The following MAD1L1 variants were observed in gnomAD, a reference collection of about 807,000 sequenced individuals.
The protein encoded by MAD1L1 is mitotic spindle assembly checkpoint protein MAD1.
A neutral mutation model predicts 96.9 loss-of-function variants in MAD1L1; 95 were observed. The observed-to-expected ratio is 0.98, with a 90% CI of 0.83 to 1.16. The LOEUF is 1.16. Among genes scored for constraint, MAD1L1 ranks in the 50% most tolerant of loss-of-function variants. MAD1L1 has a pLI of 0.00. For synonymous variants in MAD1L1, 473 were observed against 396.6 expected, an observed-to-expected ratio of 1.19 and a Z score of -2.29; for missense variants, 1,007 against 954.4, an observed-to-expected ratio of 1.06 and a Z score of -0.73.
At chr7:2,086,858 T>C (rs765922387) in intron 11 of MAD1L1, among the ~76,000 whole-genome samples, 8 of 152,328 alleles carry the variant, frequency 5.3e-5, no homozygotes, top group South Asian at 2.1e-4. Flanking sequence ...CCCAGCACAA[T>C]TGCTGTTATC....
chr7:2,169,448 T>C (rs1790600383), intron 10 of MAD1L1, among the ~76,000 whole-genome samples: 1 of 152,172 alleles, frequency 6.6e-6, no homozygotes, highest in Non-Finnish European at 1.5e-5. Flanking sequence ...GGAACATAAA[T>C]TGTTCTTTAC....
At chr7:2,038,763 C>T (rs1193062123) in intron 12 of MAD1L1, among the ~76,000 whole-genome samples, 1 of 152,016 alleles carries the variant, frequency 6.6e-6, no homozygotes, top group Non-Finnish European at 1.5e-5. Context: ...GTGATCCGCC[C>T]ACCTCGACCT....
At position 1,837,690 on chromosome 7, in the gene MAD1L1, A is replaced by G. The variant is rs564347951; in HGVS notation, c.1999-21462T>C. Reference sequence around the variant, plus strand: ...AGCAGCCAGATGAGAAAGGCTAGATACTGCGTGATGCCACTTACAGAAACT... The same window carrying G: ...AGCAGCCAGATGAGAAAGGCTAGATGCTGCGTGATGCCACTTACAGAAACT... On this transcript the variant is annotated intron_variant, in intron 18 of 18. Coordinates refer to ENST00000265854, the MANE Select transcript of MAD1L1 (RefSeq NM_001013836.2). 2.6e-5 allele frequency among the ~76,000 whole-genome samples: 4 copies of G among 152,374 alleles called. No homozygotes were observed. In the East Asian group the frequency reaches 5.8e-4, roughly 22 times the overall value.
chr7:1,818,724 C>T (rs1369274232), intron 18 of MAD1L1, among the ~76,000 whole-genome samples: 1 of 152,048 alleles, frequency 6.6e-6, no homozygotes, highest in East Asian at 1.9e-4. Flanking sequence ...CAGGTGCACC[C>T]CGCCAGCGTC....
intron 10 of MAD1L1, among the ~76,000 whole-genome samples, chr7:2,211,174 G>C (rs931776849): frequency 5.3e-5 from 8 of 152,274 alleles, no homozygotes; most frequent in Non-Finnish European, 1.0e-4. Context: ...ACCTCCACCA[G>C]CCCTACAGAC....
At chr7:1,867,937 C>T (rs903482514) in intron 18 of MAD1L1, among the ~76,000 whole-genome samples, 2 of 152,240 alleles carry the variant, frequency 1.3e-5, no homozygotes, top group Non-Finnish European at 2.9e-5. Context: ...TCGCTTCTCC[C>T]GTCTTCCCTA....
chr7:1,915,542 A>G (rs1788329695), intron 17 of MAD1L1, among the ~76,000 whole-genome samples: 1 of 152,224 alleles, frequency 6.6e-6, no homozygotes, highest in South Asian at 2.1e-4. Context: ...GGCGGGCTGG[A>G]GGACGCACGC....
intron 11 of MAD1L1, among the ~76,000 whole-genome samples, chr7:2,108,552 G>C (rs943535652): frequency 6.6e-6 from 1 of 152,134 alleles, no homozygotes; most frequent in South Asian, 2.1e-4. Flanking sequence ...ATTTTCAAAT[G>C]AACATCTGTG....
chr7:2,104,431 A>G (rs1214092365), intron 11 of MAD1L1, among the ~76,000 whole-genome samples: 2 of 152,270 alleles, frequency 1.3e-5, no homozygotes, highest in Non-Finnish European at 2.9e-5. Flanking sequence ...CTGTTGCGTC[A>G]GATCCCTGAC....
At chr7:2,167,121 G>C (rs541481065) in intron 10 of MAD1L1, among the ~76,000 whole-genome samples, 2 of 152,316 alleles carry the variant, frequency 1.3e-5, no homozygotes, top group South Asian at 4.1e-4. Flanking sequence ...GAAACAGTAA[G>C]ACCAGGGCAG....
In MAD1L1 at chr7:1,911,571, G is replaced by A. The variant is rs982639162; in HGVS notation, c.1808-13181C>T. Among the ~76,000 whole-genome samples, 3 of 152,358 alleles carry A rather than the reference G, an allele frequency of 2.0e-5. No individual in the cohort carries two copies. In the South Asian group the frequency reaches 6.2e-4, roughly 32 times the overall value. On this transcript the variant is annotated intron_variant, in intron 17 of 18. Transcript: ENST00000265854. ...CTGCCACAATGTGGCGGGCACATTT[G>A]CCTTCTGCCAGGGGACGATGTTCAC...
intron 15 of MAD1L1, among the ~76,000 whole-genome samples, chr7:1,977,522 A>T (rs1308037282): frequency 6.6e-6 from 1 of 152,230 alleles, no homozygotes; most frequent in Non-Finnish European, 1.5e-5. Context: ...CCGCAAGCAG[A>T]GGGAGCCGGC....
chr7:1,928,488 A>T (rs1361168946), intron 17 of MAD1L1, among the ~76,000 whole-genome samples: 1 of 152,194 alleles, frequency 6.6e-6, no homozygotes, highest in East Asian at 1.9e-4. Flanking sequence ...CACACCTGAG[A>T]CTGTTCCCCA....
At chr7:1,851,543 C>T (rs146658170) in intron 18 of MAD1L1, among the ~76,000 whole-genome samples, 388 of 152,246 alleles carry the variant, frequency 2.5e-3, no homozygotes, top group Admixed American at 4.6e-3. Context: ...CGGGACAGCA[C>T]GGCTAGTCTG....
intron 17 of MAD1L1, among the ~76,000 whole-genome samples, chr7:1,929,143 C>G (rs115150840): frequency 6.6e-6 from 1 of 152,042 alleles, no homozygotes; most frequent in Non-Finnish European, 1.5e-5. Flanking sequence ...CAACCATCTT[C>G]CCCTCCCTCC....
Position 1,966,564 on chromosome 7 carries a change from AAAAAAAAAAAAAC to A in MAD1L1, c.1506-8858_1506-8846del, listed in dbSNP as rs902050400. Among the ~76,000 whole-genome samples the A allele has an allele frequency of 1.6e-4, 18 of 111,282 alleles. No homozygotes were observed. In the South Asian group the frequency reaches 3.7e-3, roughly 23 times the overall value. 73.0% of individuals were successfully genotyped at this position (111,282 alleles called of 152,430 possible). ...GCTGAAATATCCCAAACTTGGCAAA[AAAAAAAAAAAAAC>A]AAAAAAAATCCCTAGAGATTCAAGA... On this transcript the variant is annotated intron_variant, in intron 15 of 18. Transcript: ENST00000265854.
Position 2,132,650 on chromosome 7 carries a change from G to A in MAD1L1, c.1073+16502C>T, listed in dbSNP as rs188934696. 3.3e-3 allele frequency among the ~76,000 whole-genome samples: 502 copies of A among 152,332 alleles called. 3 individuals are homozygous for A. Among genetic ancestry groups the A allele is most frequent in the African/African-American group, 0.011 (472 of 41,568 alleles). Reference sequence around the variant, plus strand: ...CGGAGGAGAAATCCCACAGTACACCGCCTTTGCAGACTGTCCTCTTTCACT... The same window carrying A: ...CGGAGGAGAAATCCCACAGTACACCACCTTTGCAGACTGTCCTCTTTCACT... On this transcript the variant is annotated intron_variant, in intron 11 of 18. Transcript: ENST00000265854.
In MAD1L1 at chr7:2,216,177, C is replaced by T. The variant is rs758157348; in HGVS notation, c.789G>A (p.Arg263=). 2.4e-5 allele frequency: 38 copies of T among 1,613,476 alleles called. No homozygotes were observed. The South Asian group carries it at 4.0e-4, about 17-fold the overall frequency. ...CTCACCGCAGGTGCGCGCTCTCCTC[C>T]CGCAGCTGCTTCAGCTCCCGTTCCA... ...PRLERELKQL[R]EESAHLREMR... is the part of the protein sequence containing the mutation. Residue 263 remains arginine, a synonymous_variant, in exon 8 of 19, where the codon CGG becomes CGA. Coordinates refer to ENST00000265854, the MANE Select transcript of MAD1L1 (RefSeq NM_001013836.2).
intron 18 of MAD1L1, among the ~76,000 whole-genome samples, chr7:1,868,151 C>G (rs994301080): frequency 6.6e-6 from 1 of 152,194 alleles, no homozygotes; most frequent in East Asian, 1.9e-4. Context: ...TGTGGCCCCC[C>G]AGACACCAGC....
Sources: gnomAD v4.1 joint callset for allele counts (sites outside exome capture counted in the v4.1 genomes callset) on GRCh38, gnomAD v4.1.1 for gene constraint, MANE v1.5 for transcripts, NCBI Gene and HGNC (gene_info 2026-07-23, HGNC 2026-07-21) for gene names.